Variants in R3HDM1 observed in about 807,000 individuals in gnomAD.
R3HDM1 encodes the protein R3H domain containing 1.
A neutral mutation model predicts 141.1 loss-of-function variants in R3HDM1; 46 were observed. The observed-to-expected ratio is 0.33, with a 90% CI of 0.26 to 0.42. The LOEUF (loss-of-function observed/expected upper bound fraction) is 0.42. Ranked by LOEUF, R3HDM1 falls within the 10% of genes least tolerant of loss-of-function variation. The pLI, the probability that R3HDM1 is intolerant of heterozygous loss-of-function variation, is 1.00. For synonymous variants in R3HDM1, 435 were observed against 472.9 expected, an observed-to-expected ratio of 0.92 and a Z score of 1.04; for missense variants, 1,184 against 1,368.3, an observed-to-expected ratio of 0.87 and a Z score of 2.12.
At chr2:135,602,859 G>A (rs761320695) in intron 2 of R3HDM1, among the ~76,000 whole-genome samples, 151 bp downstream of exon 2, 1 of 151,812 alleles carries the variant, frequency 6.6e-6, no homozygotes, top group Non-Finnish European at 1.5e-5. Context: ...TTTTGTATGG[G>A]TTATAATTAA....
chr2:135,648,879 A>G (rs1182496574), intron 16 of R3HDM1, among the ~76,000 whole-genome samples: 4 of 151,616 alleles, frequency 2.6e-5, no homozygotes, highest in East Asian at 3.9e-4. Flanking sequence ...CAGAGATTTT[A>G]AGTAACTAGT....
At chr2:135,720,078 C>T (rs1187775692) in intron 24 of R3HDM1, among the ~76,000 whole-genome samples, 2 of 152,178 alleles carry the variant, frequency 1.3e-5, no homozygotes, top group Admixed American at 6.5e-5. Flanking sequence ...ACTCTGACCT[C>T]ATGATCCGCC....
intron 24 of R3HDM1, chr2:135,721,624 G>A (rs1436710927): frequency 1.5e-5 from 3 of 203,090 alleles, no homozygotes; most frequent in South Asian, 1.1e-4. Context: ...CTCTCACTCC[G>A]TCACCCAGTC....
At chr2:135,569,758 G>T (rs959975933) in intron 1 of R3HDM1, among the ~76,000 whole-genome samples, 1 of 140,898 alleles carries the variant, frequency 7.1e-6, no homozygotes, top group Non-Finnish European at 1.5e-5. Context: ...AGGGAGTCTC[G>T]CTCTGTCACT....
chr2:135,537,868 A>G (rs1277279268), intron 1 of R3HDM1, among the ~76,000 whole-genome samples: 1 of 152,038 alleles, frequency 6.6e-6, no homozygotes, highest in African/African-American at 2.4e-5. Flanking sequence ...TCCTTCATAC[A>G]GAACTACTGA....
chr2:135,689,681 GTTAC>G (rs950091113), intron 21 of R3HDM1, among the ~76,000 whole-genome samples: 26 of 152,158 alleles, frequency 1.7e-4, no homozygotes, highest in African/African-American at 5.6e-4. Flanking sequence ...GGATTGTGTT[GTTAC>G]TTATCATTAT....
intron 19 of R3HDM1, among the ~76,000 whole-genome samples, chr2:135,668,472 A>G (rs2067853998): frequency 6.6e-6 from 1 of 152,212 alleles, no homozygotes; most frequent in Non-Finnish European, 1.5e-5. Flanking sequence ...TCCTGTCCTA[A>G]TGCCAGTCGA....
rs565326051 is a variant in R3HDM1 at position 135,561,245 on chromosome 2, A to G, written c.-250+29612A>G. The G allele has an allele frequency of 1.2e-5, 11 of 952,682 alleles. No individual in the cohort carries two copies. The African/African-American group carries it at 1.9e-4, about 17-fold the overall frequency. The allele number at this position is 952,682 out of a possible 1,614,324, so 59.0% of individuals were successfully genotyped here. A position where few individuals can be genotyped will look rare whatever the true frequency, so the allele number is the denominator to read the frequency against. On this transcript the variant is annotated intron_variant, in intron 1 of 26. Transcript: ENST00000683871. The stretch of plus-strand genomic sequence containing the variant: ...CCATTGATGGACAACTTTGTAACAA[A>G]TTTTTCTCTTTTTAGTGAGCCAAAG...
chr2:135,557,096 T>C (rs1700928178), intron 1 of R3HDM1, among the ~76,000 whole-genome samples: 1 of 152,182 alleles, frequency 6.6e-6, no homozygotes, highest in African/African-American at 2.4e-5. Context: ...TACTGCCTTT[T>C]TTCTTTCTTA....
intron 9 of R3HDM1, among the ~76,000 whole-genome samples, chr2:135,634,080 ATCTT>A (rs1310136265): frequency 6.6e-6 from 1 of 152,184 alleles, no homozygotes; most frequent in East Asian, 1.9e-4. Flanking sequence ...CTAAATAAAA[ATCTT>A]TCAAACCCTT....
chr2:135,670,011 C>T (rs1488521399), intron 19 of R3HDM1, among the ~76,000 whole-genome samples: 1 of 151,804 alleles, frequency 6.6e-6, no homozygotes, highest in African/African-American at 2.4e-5. Context: ...TGCTGGCACG[C>T]ACCTGTAATC....
chr2:135,621,655 T>G, intron 6 of R3HDM1, 47 bp downstream of exon 6: 1 of 1,469,732 alleles, frequency 6.8e-7, no homozygotes, highest in Non-Finnish European at 9.1e-7. Context: ...TTGCTATCAG[T>G]AATTCCATCC....
chr2:135,696,099 G>A (rs1317044642), intron 21 of R3HDM1, among the ~76,000 whole-genome samples: 1 of 152,070 alleles, frequency 6.6e-6, no homozygotes, highest in Non-Finnish European at 1.5e-5. Flanking sequence ...TCCACCCACA[G>A]GTGAATGGAT....
intron 21 of R3HDM1, among the ~76,000 whole-genome samples, chr2:135,703,477 C>T (rs2074501954): frequency 6.6e-6 from 1 of 152,194 alleles, no homozygotes; most frequent in Non-Finnish European, 1.5e-5. Flanking sequence ...TCCTTATCAT[C>T]CTGGCAGTTA....
At chr2:135,573,630 G>A (rs764701927) in intron 1 of R3HDM1, among the ~76,000 whole-genome samples, 8 of 151,798 alleles carry the variant, frequency 5.3e-5, no homozygotes, top group South Asian at 4.1e-4. Context: ...TTCAAAGTGC[G>A]TAGCTTATAG....
At chr2:135,578,637 G>A (rs1706060947) in intron 1 of R3HDM1, among the ~76,000 whole-genome samples, 1 of 152,158 alleles carries the variant, frequency 6.6e-6, no homozygotes, top group Non-Finnish European at 1.5e-5. Flanking sequence ...TGACTTGAGT[G>A]GGGAAGAAAA....
chr2:135,704,938 TA>T (rs1295189799), intron 21 of R3HDM1, among the ~76,000 whole-genome samples: 1 of 152,240 alleles, frequency 6.6e-6, no homozygotes, highest in Non-Finnish European at 1.5e-5. Context: ...CGTATCTTTT[TA>T]CTTTATTGAA....
At position 135,651,941 on chromosome 2, in the gene R3HDM1, C is replaced by T; in HGVS notation, c.1937C>T (p.Pro646Leu). Residue 646 changes from proline (P) to leucine (L), a missense_variant, in exon 18 of 27, where the codon CCA (proline) becomes CTA (leucine). Pro to Leu is a moderately conservative substitution (Grantham distance 98). Transcript: ENST00000683871. Reference sequence around the variant, plus strand: ...CCTCCTCCCCTACCACCTGGGCAGCCAGTCCCTACTGCTGGATATCCTGCC... The same window carrying T: ...CCTCCTCCCCTACCACCTGGGCAGCTAGTCCCTACTGCTGGATATCCTGCC... ...PPPPPLPPGQ[P>L]VPTAGYPASG... The T allele has an allele frequency of 2.5e-6, 4 of 1,614,070 alleles. No homozygotes were observed. Among genetic ancestry groups the T allele is most frequent in the Non-Finnish European group, 3.4e-6 (4 of 1,179,948 alleles).
At chr2:135,636,891 T>C (rs1052096351) in intron 11 of R3HDM1, among the ~76,000 whole-genome samples, 4 of 152,204 alleles carry the variant, frequency 2.6e-5, no homozygotes, top group African/African-American at 7.2e-5. Flanking sequence ...TAGTAAGTGC[T>C]ATCCTAGGCA....
Sources: allele counts gnomAD v4.1 joint callset (sites outside exome capture counted in the v4.1 genomes callset), GRCh38; gene constraint gnomAD v4.1.1; transcripts MANE v1.5; gene names NCBI Gene and HGNC (gene_info 2026-07-23, HGNC 2026-07-21).